TTC23: variants seen among roughly 807,000 people sequenced by gnomAD.
The protein encoded by TTC23 is tetratricopeptide repeat domain 23.
In TTC23, 58 loss-of-function variants were observed where a neutral mutation model predicts 55.1. The ratio of observed to expected loss-of-function variants is 1.05; its 90% confidence interval spans 0.85 to 1.31. The LOEUF is 1.31. Ranked by LOEUF, TTC23 falls within the 50% of genes most tolerant of loss-of-function variation. The pLI is 0.00. For synonymous variants in TTC23, 203 were observed against 199.9 expected, an observed-to-expected ratio of 1.02 and a Z score of -0.13; for missense variants, 516 against 534.4, an observed-to-expected ratio of 0.97 and a Z score of 0.34.
chr15:99,154,309 G>A (rs2070245876), intron 12 of TTC23, among the ~76,000 whole-genome samples: 1 of 152,150 alleles, frequency 6.6e-6, no homozygotes, highest in African/African-American at 2.4e-5. Flanking sequence ...TTAGCATACA[G>A]AATCAACATC....
intron 8 of TTC23, among the ~76,000 whole-genome samples, chr15:99,214,507 CA>C (rs532096253): frequency 4.4e-4 from 44 of 98,992 alleles, no homozygotes; most frequent in East Asian, 8.5e-4. Context: ...GACTGCATCT[CA>C]AAAAAAAAAA....
chr15:99,195,807 G>A (rs899200385), intron 9 of TTC23, among the ~76,000 whole-genome samples: 2 of 151,730 alleles, frequency 1.3e-5, no homozygotes, highest in African/African-American at 2.4e-5. Flanking sequence ...TATGCATGGT[G>A]GGGGGCAGGG....
Position 99,193,121 on chromosome 15 carries a change from C to T in TTC23, c.759+6798G>A, listed in dbSNP as rs145156661. ...AGAAACCACTTGCTTTTTGACTTTACAGGCTCATAGGCAGACAGGACTTGC... is the reference window on the plus strand; with the variant it reads ...AGAAACCACTTGCTTTTTGACTTTATAGGCTCATAGGCAGACAGGACTTGC... On this transcript the variant is annotated intron_variant, in intron 9 of 13. Coordinates refer to ENST00000394132, the MANE Select transcript of TTC23 (RefSeq NM_001288615.3). 2.4e-4 allele frequency among the ~76,000 whole-genome samples: 37 copies of T among 152,322 alleles called. No individual in the cohort carries two copies. In the East Asian group the frequency reaches 6.9e-3, roughly 29 times the overall value.
At position 99,219,019 on chromosome 15, in the gene TTC23, C is replaced by CT. The variant is rs1372794647; in HGVS notation, c.333dup (p.Glu112ArgfsTer16). On this transcript the variant is annotated frameshift_variant, in exon 7 of 14. Transcript: ENST00000394132. LOFTEE classifies it high-confidence loss of function. ...TTGGCGAGGATTTGTCTGGCTTTTTCTGCATGTTGTTTTGCTTGCAGTGAC... is the reference window on the plus strand; with the variant it reads ...TTGGCGAGGATTTGTCTGGCTTTTTCTTGCATGTTGTTTTGCTTGCAGTGAC... 1 of 1,614,120 alleles carries CT rather than the reference C, an allele frequency of 6.2e-7. No individual in the cohort carries two copies. The highest frequency in any genetic ancestry group is 8.5e-7 in the Non-Finnish European group (1 of 1,180,000).
chr15:99,183,200 A>T (rs2074315937), intron 9 of TTC23, among the ~76,000 whole-genome samples: 1 of 152,230 alleles, frequency 6.6e-6, no homozygotes, highest in South Asian at 2.1e-4. Flanking sequence ...GAACTGGAGT[A>T]AAGGTCATTC....
chr15:99,178,131 G>A (rs888903590), intron 9 of TTC23, among the ~76,000 whole-genome samples: 4 of 152,190 alleles, frequency 2.6e-5, no homozygotes, highest in African/African-American at 9.7e-5. Context: ...GCAGTGAGCC[G>A]TGATCGTGTA....
intron 9 of TTC23, among the ~76,000 whole-genome samples, chr15:99,189,844 T>C (rs552451688): frequency 2.0e-5 from 3 of 152,254 alleles, no homozygotes; most frequent in South Asian, 2.1e-4. Context: ...AAGGACCTAA[T>C]TGGGACAATG....
chr15:99,182,242 T>TCA (rs2074202468), intron 9 of TTC23, among the ~76,000 whole-genome samples: 2 of 104,416 alleles, frequency 1.9e-5, no homozygotes, highest in African/African-American at 3.8e-5. Context: ...TCTCTCTCTC[T>TCA]CTCTCTCACA....
At chr15:99,172,592 T>A (rs528155416) in intron 10 of TTC23, among the ~76,000 whole-genome samples, 74 of 152,308 alleles carry the variant, frequency 4.9e-4, no homozygotes, top group African/African-American at 1.7e-3. Flanking sequence ...TACCACTCAC[T>A]GGTTATGGGC....
chr15:99,219,719 A>T (rs1025092944), intron 6 of TTC23, among the ~76,000 whole-genome samples: 1 of 152,160 alleles, frequency 6.6e-6, no homozygotes, highest in Non-Finnish European at 1.5e-5. Context: ...GGGAGGACTG[A>T]GATCGCTAGC....
intron 12 of TTC23, among the ~76,000 whole-genome samples, chr15:99,149,122 G>A (rs782213555): frequency 2.6e-5 from 4 of 152,216 alleles, no homozygotes; most frequent in Non-Finnish European, 5.9e-5. Context: ...GCTTCACAGA[G>A]CTGAATGCTA....
At position 99,219,163 on chromosome 15, in the gene TTC23, C is replaced by T. The variant is rs887588300; in HGVS notation, c.305-115G>A. 9 of 1,190,710 alleles carry T rather than the reference C, an allele frequency of 7.6e-6. No individual in the cohort carries two copies. In the African/African-American group the frequency reaches 1.2e-4, roughly 16 times the overall value. The allele number at this position is 1,190,710 out of a possible 1,614,324, so 73.8% of individuals were successfully genotyped here. On this transcript the variant is annotated intron_variant, in intron 6 of 13. Transcript: ENST00000394132. Reference sequence around the variant, plus strand: ...CTCCTTCACATATTGTCAAATGACACATGGAGACGTATCTGGGCAGCATGA... The same window carrying T: ...CTCCTTCACATATTGTCAAATGACATATGGAGACGTATCTGGGCAGCATGA...
chr15:99,182,580 A>T (rs2074258252), intron 9 of TTC23, among the ~76,000 whole-genome samples: 1 of 152,126 alleles, frequency 6.6e-6, no homozygotes, highest in Non-Finnish European at 1.5e-5. Flanking sequence ...ATTATCACAG[A>T]GTAGTTTTTC....
At chr15:99,139,967 C>G (rs905215302) in intron 12 of TTC23, 2 of 265,750 alleles carry the variant, frequency 7.5e-6, no homozygotes, top group African/African-American at 4.4e-5. Context: ...TAGGGCAAAT[C>G]AAGGAGAGGA....
rs559450433 is a variant in TTC23 at position 99,165,158 on chromosome 15, TAGC to T, written c.866-3294_866-3292del. Among the ~76,000 whole-genome samples, 584 of 152,234 alleles carry T rather than the reference TAGC, an allele frequency of 3.8e-3. 2 individuals are homozygous for T. The highest frequency in any genetic ancestry group is 7.6e-3 in the African/African-American group (315 of 41,532). On this transcript the variant is annotated intron_variant, in intron 10 of 13. Transcript: ENST00000394132. The stretch of plus-strand genomic sequence containing the variant: ...TATGGGTCCCCATACTAGGCTGAAA[TAGC>T]AGGCACACTGGAAGCAACAAGTGAC...
At chr15:99,202,823 T>C (rs1262185416) in intron 8 of TTC23, among the ~76,000 whole-genome samples, 1 of 152,232 alleles carries the variant, frequency 6.6e-6, no homozygotes, top group African/African-American at 2.4e-5. Flanking sequence ...AGCAGCCTTG[T>C]TGACAAAGCT....
intron 12 of TTC23, chr15:99,151,462 A>C (rs1213174907): frequency 6.6e-6 from 1 of 152,322 alleles, no homozygotes; most frequent in Non-Finnish European, 1.5e-5. Context: ...CCTTGAGGGA[A>C]GACATTGCCA....
At chr15:99,247,258 C>T (rs2080329904) in intron 1 of TTC23, among the ~76,000 whole-genome samples, 1 of 152,144 alleles carries the variant, frequency 6.6e-6, no homozygotes, top group East Asian at 1.9e-4. Flanking sequence ...AGCAGTTGTG[C>T]AACACCTTGA....
At chr15:99,188,905 CGTA>C (rs1446540201) in intron 9 of TTC23, among the ~76,000 whole-genome samples, 1 of 151,950 alleles carries the variant, frequency 6.6e-6, no homozygotes, top group Non-Finnish European at 1.5e-5. Flanking sequence ...AATTTGGCAA[CGTA>C]GTAGTAGAAT....
Sources: allele counts gnomAD v4.1 joint callset (sites outside exome capture counted in the v4.1 genomes callset), GRCh38; gene constraint gnomAD v4.1.1; transcripts MANE v1.5; gene names NCBI Gene and HGNC (gene_info 2026-07-23, HGNC 2026-07-21).